The following PTP4A1 variants were observed in gnomAD, a reference collection of about 807,000 sequenced individuals.
PTP4A1 encodes protein tyrosine phosphatase 4A1.
PTP4A1 carries 9 observed loss-of-function variants against 20.5 expected under a neutral mutation model. That is an observed-to-expected ratio of 0.44 (90% CI 0.26 to 0.77). PTP4A1 has a LOEUF of 0.77. Ranked by LOEUF, PTP4A1 falls within the 30% of genes least tolerant of loss-of-function variation. The probability of loss-of-function intolerance (pLI) is 0.19; values close to 1 mark genes in which losing one functional copy is unlikely to be tolerated. For synonymous variants in PTP4A1, 78 were observed against 67.4 expected, an observed-to-expected ratio of 1.16 and a Z score of -0.77; for missense variants, 137 against 218.8, an observed-to-expected ratio of 0.63 and a Z score of 2.36.
intron 3 of PTP4A1, among the ~76,000 whole-genome samples, chr6:63,560,920 G>T (rs67549604): frequency 6.6e-6 from 1 of 152,068 alleles, no homozygotes. Flanking sequence ...AAAAGGAAGG[G>T]CAGATTTTCA....
chr6:63,539,193 C>T (rs1463593977), intron 2 of PTP4A1, among the ~76,000 whole-genome samples: 1 of 152,076 alleles, frequency 6.6e-6, no homozygotes, highest in African/African-American at 2.4e-5. Flanking sequence ...CGTGCCTGGC[C>T]TGTAAAGTAC....
At chr6:63,529,194 T>C (rs1005000939) in intron 2 of PTP4A1, among the ~76,000 whole-genome samples, 1 of 141,596 alleles carries the variant, frequency 7.1e-6, no homozygotes, top group Admixed American at 7.3e-5. Flanking sequence ...TATGTGTGTA[T>C]ATATATATAT....
In PTP4A1 at chr6:63,576,793, A is replaced by G; in HGVS notation, c.-88A>G. ...GAGAATTTCAAGTGGAGTATATTGAAGTAGACTTCAGTTTCTTTGCATCAT... is the reference window on the plus strand; with the variant it reads ...GAGAATTTCAAGTGGAGTATATTGAGGTAGACTTCAGTTTCTTTGCATCAT... On this transcript the variant is annotated 5_prime_UTR_variant, in exon 2 of 6. Coordinates refer to ENST00000626021, the MANE Select transcript of PTP4A1 (RefSeq NM_003463.5). 1 of 1,030,514 alleles carries G rather than the reference A, an allele frequency of 9.7e-7. No individual in the cohort carries two copies. The highest frequency in any genetic ancestry group is 1.5e-6 in the Non-Finnish European group (1 of 687,668). The allele number at this position is 1,030,514 out of a possible 1,614,324, so 63.8% of individuals were successfully genotyped here.
intron 2 of PTP4A1, among the ~76,000 whole-genome samples, chr6:63,543,009 A>C (rs139253553): frequency 3.0e-4 from 45 of 152,300 alleles, no homozygotes; most frequent in Middle Eastern, 6.8e-3. Context: ...TAGTATAATG[A>C]GTTCCACTAC....
At chr6:63,576,185 G>GT (rs555512305) in intron 1 of PTP4A1, among the ~76,000 whole-genome samples, 47 of 149,332 alleles carry the variant, frequency 3.1e-4, no homozygotes, top group African/African-American at 1.0e-3. Flanking sequence ...AATGGGTTTG[G>GT]TTTTTTTTTC....
intron 3 of PTP4A1, among the ~76,000 whole-genome samples, chr6:63,561,897 A>C (rs1471937992): frequency 6.6e-6 from 1 of 152,200 alleles, no homozygotes; most frequent in Non-Finnish European, 1.5e-5. Context: ...TGGTGCTTCT[A>C]TCTCTGCTGC....
At chr6:63,556,796 C>A (rs1488020745) in intron 3 of PTP4A1, among the ~76,000 whole-genome samples, 1 of 152,080 alleles carries the variant, frequency 6.6e-6, no homozygotes, top group Admixed American at 6.6e-5. Context: ...AGTTGTTAAT[C>A]GACTTTTACA....
At position 63,580,449 on chromosome 6, in the gene PTP4A1, T is replaced by TTCCCC. The variant is rs1778155513; in HGVS notation, c.*275_*276insTCCCC. Reference sequence around the variant, plus strand: ...GACCTTTCCCCAAATCATGCAGTATTGAGTTATGACTTGTTAAATCTATTC... The same window carrying TTCCCC: ...GACCTTTCCCCAAATCATGCAGTATTTCCCCGAGTTATGACTTGTTAAATCTATTC... On this transcript the variant is annotated 3_prime_UTR_variant, in exon 6 of 6. Coordinates refer to ENST00000626021, the MANE Select transcript of PTP4A1 (RefSeq NM_003463.5). 1 of 331,218 alleles carries TTCCCC rather than the reference T, an allele frequency of 3.0e-6. No individual in the cohort carries two copies. The highest frequency in any genetic ancestry group is 5.7e-6 in the Non-Finnish European group (1 of 175,954). 20.5% of individuals were successfully genotyped at this position (331,218 alleles called of 1,614,324 possible).
chr6:63,540,454 C>T (rs1197896), intron 2 of PTP4A1, among the ~76,000 whole-genome samples: 1,878 of 152,070 alleles, frequency 0.012, 30 homozygotes, highest in African/African-American at 0.042. Flanking sequence ...AACCCCGTCT[C>T]TACTGAAAGT....
upstream of PTP4A1, among the ~76,000 whole-genome samples, chr6:63,517,818 T>A (rs1774785658): frequency 6.6e-6 from 1 of 152,136 alleles, no homozygotes; most frequent in Non-Finnish European, 1.5e-5. Context: ...ATGTCTCTAC[T>A]AGCGCAACCC....
intron 2 of PTP4A1, among the ~76,000 whole-genome samples, chr6:63,531,201 T>C (rs1166318596): frequency 6.6e-6 from 1 of 152,192 alleles, no homozygotes; most frequent in Non-Finnish European, 1.5e-5. Context: ...ACCTGCTTCC[T>C]GGTTCACAGC....
intron 2 of PTP4A1, among the ~76,000 whole-genome samples, chr6:63,541,478 C>A (rs906449393): frequency 6.6e-6 from 1 of 151,914 alleles, no homozygotes; most frequent in Non-Finnish European, 1.5e-5. Flanking sequence ...GCCTGAACCC[C>A]GGAGGCAGAG....
intron 3 of PTP4A1, among the ~76,000 whole-genome samples, chr6:63,565,932 ATT>A (rs1777172127): frequency 6.6e-6 from 1 of 152,234 alleles, no homozygotes; most frequent in Non-Finnish European, 1.5e-5. Flanking sequence ...GTTCATAGAG[ATT>A]TAAGCATAGG....
At chr6:63,570,492 T>A (rs1777369376), upstream of PTP4A1, among the ~76,000 whole-genome samples, 1 of 152,236 alleles carries the variant, frequency 6.6e-6, no homozygotes, top group Non-Finnish European at 1.5e-5. Flanking sequence ...TAGAACTTGA[T>A]GAGCATAGCT....
upstream of PTP4A1, among the ~76,000 whole-genome samples, chr6:63,568,616 T>C (rs1777285790): frequency 6.6e-6 from 1 of 151,816 alleles, no homozygotes; most frequent in Admixed American, 6.6e-5. Flanking sequence ...ATGGCTCTGA[T>C]AGACTTGCTC....
chr6:63,545,420 G>A (rs765029588), intron 2 of PTP4A1, among the ~76,000 whole-genome samples: 26 of 152,024 alleles, frequency 1.7e-4, no homozygotes, highest in Non-Finnish European at 3.7e-4. Flanking sequence ...GACCAGGCTG[G>A]CCAACAGGGT....
At chr6:63,544,057 T>C (rs1257683952) in intron 2 of PTP4A1, among the ~76,000 whole-genome samples, 1 of 152,190 alleles carries the variant, frequency 6.6e-6, no homozygotes, top group Non-Finnish European at 1.5e-5. Context: ...CCGTATTTCA[T>C]GTAGAGGAGT....
upstream of PTP4A1, among the ~76,000 whole-genome samples, chr6:63,516,905 C>G (rs902195571): frequency 3.3e-5 from 5 of 152,170 alleles, no homozygotes; most frequent in Admixed American, 2.6e-4. Context: ...AGGTATTAGA[C>G]AGAAAGAGAT....
chr6:63,553,242 C>T (rs1776529336), intron 3 of PTP4A1, among the ~76,000 whole-genome samples: 1 of 152,122 alleles, frequency 6.6e-6, no homozygotes, highest in Non-Finnish European at 1.5e-5. Context: ...TTGATGATGT[C>T]AAAGCTCTGC....
Sources: allele counts gnomAD v4.1 joint callset (sites outside exome capture counted in the v4.1 genomes callset), GRCh38; gene constraint gnomAD v4.1.1; transcripts MANE v1.5; gene names NCBI Gene and HGNC (gene_info 2026-07-23, HGNC 2026-07-21).